FBXL6: variants seen among roughly 807,000 people sequenced by gnomAD.
FBXL6 encodes F-box and leucine rich repeat protein 6.
A neutral mutation model predicts 53.3 loss-of-function variants in FBXL6; 50 were observed. The observed-to-expected ratio is 0.94, with a 90% CI of 0.75 to 1.19. The LOEUF is 1.19. Ranked by LOEUF, FBXL6 falls within the 50% of genes most tolerant of loss-of-function variation. FBXL6 has a pLI of 0.00. For missense variants in FBXL6, 815 were observed against 719.0 expected (o/e 1.13, Z -1.53); for synonymous variants, 405 against 322.9 (o/e 1.25, Z -2.73).
intron 3 of FBXL6, 112 bp from the exon 4 acceptor site, chr8:144,357,233 C>T: frequency 1.4e-6 from 2 of 1,447,000 alleles, no homozygotes; most frequent in Non-Finnish European, 1.9e-6. Context: ...GCTGTGACCT[C>T]CTTTCTGCCC....
At chr8:144,356,564 G>A in intron 6 of FBXL6, 33 bp from the exon 7 acceptor site, 2 of 1,612,658 alleles carry the variant, frequency 1.2e-6, no homozygotes, top group Non-Finnish European at 1.7e-6. Context: ...AGATGGGGGA[G>A]GGTGTGACAG....
rs199834148 is a variant in FBXL6 at position 144,356,870 on chromosome 8, G to C, written c.817C>G (p.Arg273Gly). ...TAGGTCAGCCACAACTTGCGCATTC[G>C]GGACCCTGCCTCCTCCAAGAAGCTC... ...VVSFLEEAGS[R>G]MRKLWLTYSS... Residue 273 changes from arginine to glycine, a missense_variant, in exon 5 of 9, where the codon CGA becomes GGA. Arg to Gly is a moderately radical substitution (Grantham distance 125, BLOSUM62 -2). Transcript: ENST00000331890. The C allele has an allele frequency of 1.2e-6, 2 of 1,613,382 alleles. No homozygotes were observed. The highest frequency in any genetic ancestry group is 2.2e-5 in the South Asian group (2 of 91,082).
intron 1 of FBXL6, 89 bp from the exon 2 acceptor site, chr8:144,357,875 G>T (rs1245134178): frequency 2.6e-5 from 38 of 1,438,612 alleles, no homozygotes; most frequent in Non-Finnish European, 3.4e-5. Context: ...TCAAAGCCGG[G>T]CTCCTGGGAC....
Position 144,357,677 on chromosome 8 carries a change from T to C in FBXL6, c.526A>G (p.Lys176Glu), listed in dbSNP as rs781856874. ...LVGRPAKGGVKAEKKLLASLE... is the reference protein window; with the variant it reads ...LVGRPAKGGVEAEKKLLASLE... ...GAAGCAAGGAGCTTCTTCTCCGCCT[T>C]GACCCCGCCCTTGGCAGGCCGGCCG... Residue 176 changes from lysine to glutamate, a missense_variant, in exon 2 of 9, where the codon AAG (lysine) becomes GAG (glutamate). Transcript: ENST00000331890. 5.6e-6 allele frequency: 9 copies of C among 1,610,976 alleles called. No individual in the cohort carries two copies. Among genetic ancestry groups the C allele is most frequent in the South Asian group, 3.3e-5 (3 of 90,956 alleles).
chr8:144,355,791 C>G, intron 8 of FBXL6, 113 bp from the exon 9 acceptor site: 1 of 1,526,000 alleles, frequency 6.6e-7, no homozygotes, highest in South Asian at 1.2e-5. Context: ...CCATAGCCAC[C>G]AAGGCCAAGC....
chr8:144,355,662 A>G lies in FBXL6; in HGVS notation c.1489T>C (p.Cys497Arg). ...PSTVSSVISG[C>R]PGLLYLNLES... ...AGGTTGAGGTAGAGCAGGCCCGGGC[A>G]GCCGCTGATCACAGAGCTGTGGGGA... Residue 497 changes from cysteine (C) to arginine (R), a missense_variant, in exon 9 of 9, where the codon TGC (cysteine) becomes CGC (arginine). By Grantham distance (180) the Cys-to-Arg change is radical. Coordinates refer to ENST00000331890, the MANE Select transcript of FBXL6 (RefSeq NM_012162.4). 1 of 1,610,914 alleles carries G rather than the reference A, an allele frequency of 6.2e-7. No homozygotes were observed. The highest frequency in any genetic ancestry group is 8.5e-7 in the Non-Finnish European group (1 of 1,179,830).
At position 144,356,155 on chromosome 8, in the gene FBXL6, CCTT is replaced by C; in HGVS notation, c.1282_1284del (p.Lys428del). ...TTCTGGGTCAAAAAGGGGCTGCCCTCCTTGGCTAGAGTCAGCCGGTCTGACGTG... is the reference window on the plus strand; with the variant it reads ...TTCTGGGTCAAAAAGGGGCTGCCCTCGGCTAGAGTCAGCCGGTCTGACGTG... On this transcript the variant is annotated inframe_deletion, in exon 8 of 9. Coordinates refer to ENST00000331890, the MANE Select transcript of FBXL6 (RefSeq NM_012162.4). The C allele has an allele frequency of 6.2e-7, 1 of 1,613,000 alleles. No individual in the cohort carries two copies. The highest frequency in any genetic ancestry group is 8.5e-7 in the Non-Finnish European group (1 of 1,180,032).
In FBXL6 at chr8:144,358,242, C is replaced by G. The variant is rs1335540999; in HGVS notation, c.206G>C (p.Arg69Pro). The G allele has an allele frequency of 1.6e-6, 2 of 1,212,508 alleles. No individual in the cohort carries two copies. The highest frequency in any genetic ancestry group is 1.6e-5 in the African/African-American group (1 of 63,400). 75.1% of individuals were successfully genotyped at this position (1,212,508 alleles called of 1,614,324 possible). A position where few individuals can be genotyped will look rare whatever the true frequency, so the allele number is the denominator to read the frequency against. The change falls in exon 1 of 9, where the codon CGG (arginine) becomes CCG (proline). Residue 69 changes from arginine to proline, a missense_variant. Transcript: ENST00000331890. ...AQRRASRRTP[R>P]QPPRGPSAAA... ...GGCGCTGGGGCCCCGGGGCGGCTGCCGGGGAGTGCGGCGGGAAGCGCGCCG... is the reference window on the plus strand; with the variant it reads ...GGCGCTGGGGCCCCGGGGCGGCTGCGGGGGAGTGCGGCGGGAAGCGCGCCG...
rs782769829 is a variant in FBXL6, at chr8:144,356,504, G to C, written c.1021C>G (p.Leu341Val). ...QVLRLLNLMW[L>V]PKPPGRGVAP... The stretch of plus-strand genomic sequence containing the variant: ...ACCCCTCGTCCCGGAGGCTTGGGCA[G>C]CCACATCAGGTTCAACAGCCGCAGC... Residue 341 changes from leucine to valine, a missense_variant, in exon 7 of 9, where the codon CTG becomes GTG. Physicochemically the swap from Leu to Val is conservative, Grantham distance 32. Coordinates refer to ENST00000331890, the MANE Select transcript of FBXL6 (RefSeq NM_012162.4). 3.7e-6 allele frequency: 6 copies of C among 1,612,830 alleles called. No individual in the cohort carries two copies. Among genetic ancestry groups the C allele is most frequent in the South Asian group, 1.1e-5 (1 of 91,086 alleles).
At chr8:144,357,523 G>C (rs1337943396) in intron 2 of FBXL6, 21 bp from the exon 3 acceptor site, 13 of 1,613,240 alleles carry the variant, frequency 8.1e-6, no homozygotes, top group African/African-American at 1.3e-5. Context: ...AGCGGAGGCA[G>C]AGCTGCACTA....
chr8:144,355,840 G>A (rs1420735761), intron 8 of FBXL6, 128 bp downstream of exon 8: 3 of 1,537,114 alleles, frequency 2.0e-6, no homozygotes, highest in Non-Finnish European at 1.8e-6. Context: ...CCCACGCAGG[G>A]GCTTGGACAG....
chr8:144,355,681 G>C lies in FBXL6; in HGVS notation c.1473-3C>G. The stretch of plus-strand genomic sequence containing the variant: ...CCGGGCAGCCGCTGATCACAGAGCT[G>C]TGGGGAGGGCAGACCACAGGAAGTT... On this transcript the variant is annotated splice_region_variant and splice_polypyrimidine_tract_variant and intron_variant, in intron 8 of 8. Transcript: ENST00000331890. 1 of 1,610,478 alleles carries C rather than the reference G, an allele frequency of 6.2e-7. No homozygotes were observed. Among genetic ancestry groups the C allele is most frequent in the Non-Finnish European group, 8.5e-7 (1 of 1,179,678 alleles).
chr8:144,356,385 G>A lies in FBXL6; in HGVS notation c.1140C>T (p.Leu380=). 1.4e-6 allele frequency: 2 copies of A among 1,437,462 alleles called. No individual in the cohort carries two copies. The highest frequency in any genetic ancestry group is 1.8e-5 in the African/African-American group (1 of 55,272). 89.0% of individuals were successfully genotyped at this position (1,437,462 alleles called of 1,614,324 possible). The change falls in exon 7 of 9, where the codon CTC becomes CTT. Residue 380 remains leucine (L), a synonymous_variant. Transcript: ENST00000331890. ...GTAAGCGCAGGTTGGGAGAGCCGTG[G>A]AGTAGGCGGCCCAGGACCTCGTTGC... ...FVSNEVLGRL[L]HGSPNLRLLD...
chr8:144,357,562 A>G, intron 2 of FBXL6, 60 bp from the exon 3 acceptor site: 1 of 1,611,412 alleles, frequency 6.2e-7, no homozygotes, highest in Non-Finnish European at 8.5e-7. Context: ...TTCCCACCCA[A>G]CACCTTGGTG....
chr8:144,357,830 A>C, intron 1 of FBXL6, 44 bp from the exon 2 acceptor site: 1 of 1,462,504 alleles, frequency 6.8e-7, no homozygotes, highest in East Asian at 2.5e-5. Flanking sequence ...TCCGTAGGCG[A>C]TGCCCCCCTC....
Position 144,356,424 on chromosome 8 carries a change from G to A in FBXL6, c.1101C>T (p.Thr367=). 6.2e-7 allele frequency: 1 copy of A among 1,613,080 alleles called. No homozygotes were observed. Among genetic ancestry groups the A allele is most frequent in the East Asian group, 2.2e-5 (1 of 44,880 alleles). Residue 367 remains threonine (T), a synonymous_variant, in exon 7 of 9, where the codon ACC becomes ACT. Transcript: ENST00000331890. The stretch of plus-strand genomic sequence containing the variant: ...GGACCTCGTTGCTCACAAAGTTGCA[G>A]GTTGAGCTCGCCAGGCAGAGCTCCT... ...SLEELCLASS[T]CNFVSNEVLG...
At position 144,356,010 on chromosome 8, in the gene FBXL6, G is replaced by C; in HGVS notation, c.1430C>G (p.Ser477Cys). Reference protein sequence around the residue: ...TPGGSHPALCSLNLRGTRVTP... With the variant: ...TPGGSHPALCCLNLRGTRVTP... ...GACCCGGGTGCCCCTGAGGTTAAGA[G>C]AGCACAGGGCTGGGTGTGAGCCCCC... is the stretch of plus-strand genomic sequence containing the variant. Residue 477 changes from serine to cysteine, a missense_variant, in exon 8 of 9, where the codon TCT (serine) becomes TGT (cysteine). Ser to Cys is a moderately radical substitution (Grantham distance 112, BLOSUM62 -1). Transcript: ENST00000331890. The C allele has an allele frequency of 6.2e-7, 1 of 1,613,144 alleles. No individual in the cohort carries two copies. Among genetic ancestry groups the C allele is most frequent in the Non-Finnish European group, 8.5e-7 (1 of 1,180,000 alleles).
rs201711347 is a variant in FBXL6, at chr8:144,356,899, A to G, written c.788T>C (p.Val263Ala). 661 of 1,613,260 alleles carry G rather than the reference A, an allele frequency of 4.1e-4. 3 individuals are homozygous for G. Among genetic ancestry groups the G allele is most frequent in the South Asian group, 1.5e-4 (14 of 91,080 alleles). ...LQHSMVESTAVVSFLEEAGSR... is the reference protein window; with the variant it reads ...LQHSMVESTAAVSFLEEAGSR... ...CCCTGCCTCCTCCAAGAAGCTCACC[A>G]CAGCTGTGGACTCCACCTGGGGCCC... The change falls in exon 5 of 9, where the codon GTG becomes GCG. Residue 263 changes from valine (V) to alanine (A), a missense_variant. Transcript: ENST00000331890.
chr8:144,357,568 T>C lies in FBXL6; in HGVS notation c.575+60A>G, dbSNP rs934697642. The C allele has an allele frequency of 2.7e-5, 44 of 1,609,730 alleles. No individual in the cohort carries two copies. The African/African-American group carries it at 5.2e-4, about 19-fold the overall frequency. ...CACGAGTCCTTCCCACCCAACACCT[T>C]GGTGCAGGGAGACGGAAGGAGCCTG... On this transcript the variant is annotated intron_variant, in intron 2 of 8. Transcript: ENST00000331890.
Sources: gnomAD v4.1 joint callset for allele counts on GRCh38, gnomAD v4.1.1 for gene constraint, MANE v1.5 for transcripts, NCBI Gene and HGNC (gene_info 2026-07-23, HGNC 2026-07-21) for gene names.